The following CLSTN1 variants were observed in gnomAD, a reference collection of about 807,000 sequenced individuals.
CLSTN1 encodes calsyntenin-1.
Under a neutral mutation model 108.3 loss-of-function variants are expected in CLSTN1, and 28 were observed. That is an observed-to-expected ratio of 0.26 (90% confidence interval 0.19 to 0.35). The LOEUF is 0.35. CLSTN1 is among the 10% of genes least tolerant of loss of function. The pLI is 1.00. For missense variants in CLSTN1, 1,157 were observed against 1,302.6 expected (o/e 0.89, Z 1.72); for synonymous variants, 524 against 534.9 (o/e 0.98, Z 0.28).
At chr1:9,779,482 G>A (rs927895289) in intron 1 of CLSTN1, among the ~76,000 whole-genome samples, 12 of 152,040 alleles carry the variant, frequency 7.9e-5, no homozygotes, top group African/African-American at 2.9e-4. Flanking sequence ...GCTTGAACCC[G>A]GGAGGTGGAG....
intron 7 of CLSTN1, 88 bp from the exon 8 acceptor site, chr1:9,744,731 T>G: frequency 7.1e-7 from 1 of 1,408,102 alleles, no homozygotes; most frequent in Non-Finnish European, 9.4e-7. Flanking sequence ...GTCTTACACT[T>G]AGGCAATCTG....
chr1:9,813,509 A>G (rs189288705), intron 1 of CLSTN1, among the ~76,000 whole-genome samples: 5 of 151,948 alleles, frequency 3.3e-5, no homozygotes, highest in African/African-American at 4.8e-5. Flanking sequence ...AAAAAAAAAA[A>G]AAAGAAAGAA....
At chr1:9,764,967 G>A (rs1652255302) in intron 2 of CLSTN1, among the ~76,000 whole-genome samples, 1 of 152,106 alleles carries the variant, frequency 6.6e-6, no homozygotes, top group Non-Finnish European at 1.5e-5. Context: ...GTCAATCACG[G>A]TTAATAAGAA....
intron 1 of CLSTN1, among the ~76,000 whole-genome samples, chr1:9,807,257 G>A (rs1318359771): frequency 6.6e-6 from 1 of 151,972 alleles, no homozygotes; most frequent in Admixed American, 6.6e-5. Context: ...CACACACCTA[G>A]GGAGACCCAT....
At position 9,729,819 on chromosome 1, in the gene CLSTN1, C is replaced by T. The variant is rs1005748464; in HGVS notation, c.*689G>A. On this transcript the variant is annotated 3_prime_UTR_variant, in exon 19 of 19. Coordinates refer to ENST00000377298, the MANE Select transcript of CLSTN1 (RefSeq NM_001009566.3). ...CAGCACAGCTAGAGGCCTGTGGCCC[C>T]CGACTCCCAGCCATACTCAGACCTG... is the stretch of plus-strand genomic sequence containing the variant. The T allele has an allele frequency of 6.5e-6, 1 of 153,254 alleles. No individual in the cohort carries two copies. Among genetic ancestry groups the T allele is most frequent in the Non-Finnish European group, 1.5e-5 (1 of 68,800 alleles). The allele number at this position is 153,254 out of a possible 1,614,324, so 9.5% of individuals were successfully genotyped here.
At chr1:9,787,436 C>T (rs1170322378) in intron 1 of CLSTN1, among the ~76,000 whole-genome samples, 1 of 141,956 alleles carries the variant, frequency 7.0e-6, no homozygotes, top group Non-Finnish European at 1.5e-5. Flanking sequence ...CGGAGTCTCA[C>T]TCTGTCGCCC....
rs769809592 is a variant in CLSTN1 at position 9,744,498 on chromosome 1, G to C, written c.1131C>G (p.Val377=). 1 of 1,612,200 alleles carries C rather than the reference G, an allele frequency of 6.2e-7. No individual in the cohort carries two copies. Among genetic ancestry groups the C allele is most frequent in the Non-Finnish European group, 8.5e-7 (1 of 1,179,934 alleles). ...ACGGCTCTTTGGGGCTGACCGACAC[G>C]ACGCCATCCGGGATCCTCACTGCCT... is the stretch of plus-strand genomic sequence containing the variant. ...GTQAVRIPDG[V]VSVSPKEPFT... The change falls in exon 8 of 19, where the codon GTC becomes GTG. Residue 377 remains valine, a synonymous_variant. Coordinates refer to ENST00000377298, the MANE Select transcript of CLSTN1 (RefSeq NM_001009566.3).
chr1:9,731,153 A>G, intron 18 of CLSTN1, 53 bp downstream of exon 18: 1 of 1,605,054 alleles, frequency 6.2e-7, no homozygotes, highest in Non-Finnish European at 8.5e-7. Flanking sequence ...GGCTTCTCGG[A>G]GGCCCTGGCC....
chr1:9,814,354 C>T (rs2101333170), intron 1 of CLSTN1, among the ~76,000 whole-genome samples: 1 of 151,904 alleles, frequency 6.6e-6, no homozygotes, highest in Admixed American at 6.6e-5. Context: ...ACGGAGATTG[C>T]AGTGAGCTGA....
At chr1:9,784,785 C>T (rs1653404847) in intron 1 of CLSTN1, among the ~76,000 whole-genome samples, 1 of 152,198 alleles carries the variant, frequency 6.6e-6, no homozygotes, top group Admixed American at 6.5e-5. Context: ...TTTTAAAATC[C>T]TGCTAGTTAA....
At chr1:9,753,305 T>C (rs566796752) in intron 4 of CLSTN1, among the ~76,000 whole-genome samples, 2 of 152,156 alleles carry the variant, frequency 1.3e-5, no homozygotes, top group Non-Finnish European at 2.9e-5. Flanking sequence ...GACCTCCTGC[T>C]GTGTGGCCTG....
At chr1:9,817,609 T>C (rs1655024459) in intron 1 of CLSTN1, among the ~76,000 whole-genome samples, 1 of 152,206 alleles carries the variant, frequency 6.6e-6, no homozygotes, top group South Asian at 2.1e-4. Flanking sequence ...ATTACAGTTG[T>C]GAGCCACTGC....
chr1:9,765,561 C>G (rs938487219), intron 2 of CLSTN1, among the ~76,000 whole-genome samples: 3 of 150,288 alleles, frequency 2.0e-5, no homozygotes, highest in African/African-American at 4.9e-5. Flanking sequence ...ACCCGGGAAA[C>G]GGAGACTCCA....
At chr1:9,776,696 C>T (rs1652960304) in intron 1 of CLSTN1, among the ~76,000 whole-genome samples, 1 of 152,020 alleles carries the variant, frequency 6.6e-6, no homozygotes, top group Admixed American at 6.6e-5. Context: ...TCTCAGAACC[C>T]CTGTACACCA....
intron 1 of CLSTN1, among the ~76,000 whole-genome samples, chr1:9,781,638 T>C (rs1035802701): frequency 1.3e-5 from 2 of 152,184 alleles, no homozygotes; most frequent in Admixed American, 6.6e-5. Context: ...AGATGGGGTT[T>C]CTCCATGTTG....
intron 3 of CLSTN1, among the ~76,000 whole-genome samples, chr1:9,755,519 C>T (rs1651768421): frequency 6.6e-6 from 1 of 152,122 alleles, no homozygotes; most frequent in Non-Finnish European, 1.5e-5. Flanking sequence ...TTCTGGCTTT[C>T]CAAGCAACTT....
rs1260627449 is a variant in CLSTN1, at chr1:9,735,003, G to A, written c.2055C>T (p.Ile685=). 6.2e-7 allele frequency: 1 copy of A among 1,614,230 alleles called. No homozygotes were observed. Among genetic ancestry groups the A allele is most frequent in the African/African-American group, 1.3e-5 (1 of 75,054 alleles). The change falls in exon 14 of 19, where the codon ATC becomes ATT. Residue 685 remains isoleucine (I), a synonymous_variant. Transcript: ENST00000377298. ...GCTCCACTTCTCTCGTGATGGTGCTGATGATGCGAAGCTCAGGGAAAAGGA... is the reference window on the plus strand; with the variant it reads ...GCTCCACTTCTCTCGTGATGGTGCTAATGATGCGAAGCTCAGGGAAAAGGA... ...GVFLFPELRI[I]STITREVEPE...
At chr1:9,738,509 C>T (rs1377431481) in intron 10 of CLSTN1, among the ~76,000 whole-genome samples, 2 of 152,226 alleles carry the variant, frequency 1.3e-5, no homozygotes, top group Non-Finnish European at 2.9e-5. Context: ...GACTCCCCCA[C>T]AACACGCTGG....
chr1:9,774,465 C>A (rs990524747), intron 1 of CLSTN1, among the ~76,000 whole-genome samples: 12 of 151,722 alleles, frequency 7.9e-5, no homozygotes, highest in African/African-American at 2.9e-4. Context: ...ACTCGGGAGG[C>A]TGAGGCAGAA....
Sources: allele counts gnomAD v4.1 joint callset (sites outside exome capture counted in the v4.1 genomes callset), GRCh38; gene constraint gnomAD v4.1.1; transcripts MANE v1.5; gene names NCBI Gene and HGNC (gene_info 2026-07-23, HGNC 2026-07-21).